The following PARPBP variants were observed in gnomAD, a reference collection of about 807,000 sequenced individuals.
PARPBP encodes PCNA-interacting partner.
A neutral mutation model predicts 50.0 loss-of-function variants in PARPBP; 52 were observed. That is an observed-to-expected ratio of 1.04 (90% CI 0.83 to 1.31). The LOEUF (loss-of-function observed/expected upper bound fraction) is 1.31, where lower values mean the gene tolerates loss of function less well. PARPBP is among the 50% of genes most tolerant of loss of function. The pLI is 0.00. For missense variants in PARPBP, 697 were observed against 672.0 expected, an observed-to-expected ratio of 1.04 and a Z score of -0.41; for synonymous variants, 244 against 232.1, an observed-to-expected ratio of 1.05 and a Z score of -0.47.
intron 2 of PARPBP, among the ~76,000 whole-genome samples, chr12:102,127,847 C>T (rs1882243814): frequency 6.6e-6 from 1 of 152,108 alleles, no homozygotes; most frequent in East Asian, 1.9e-4. Flanking sequence ...CTAATTCAGC[C>T]TTTTGACTGA....
chr12:102,156,843 T>C (rs1455772022), intron 4 of PARPBP, among the ~76,000 whole-genome samples: 1 of 152,128 alleles, frequency 6.6e-6, no homozygotes, highest in Non-Finnish European at 1.5e-5. Context: ...GGTTTTACTA[T>C]GATGGTCAGG....
intron 2 of PARPBP, among the ~76,000 whole-genome samples, chr12:102,146,616 A>T (rs1289090449): frequency 6.6e-6 from 1 of 152,228 alleles, no homozygotes; most frequent in Non-Finnish European, 1.5e-5. Context: ...TAAAAACCCT[A>T]GAAGAAAACC....
At chr12:102,184,634 C>G (rs992747619) in intron 9 of PARPBP, among the ~76,000 whole-genome samples, 5 of 152,154 alleles carry the variant, frequency 3.3e-5, no homozygotes, top group Admixed American at 3.3e-4. Context: ...GCTTCCATTA[C>G]TTAACAGTAG....
At chr12:102,124,582 C>T (rs1881671575) in intron 2 of PARPBP, among the ~76,000 whole-genome samples, 1 of 152,012 alleles carries the variant, frequency 6.6e-6, no homozygotes. Flanking sequence ...TAAGGAAAGG[C>T]TTTGTGATAT....
At chr12:102,135,536 CAAAAA>C (rs34890863) in intron 2 of PARPBP, among the ~76,000 whole-genome samples, 1 of 50,552 alleles carries the variant, frequency 2.0e-5, no homozygotes, top group African/African-American at 7.3e-5. Flanking sequence ...ACTCCGTCTC[CAAAAA>C]AAAAAAAAAA....
intron 2 of PARPBP, among the ~76,000 whole-genome samples, chr12:102,134,869 G>A (rs929945468): frequency 6.6e-6 from 1 of 152,048 alleles, no homozygotes; most frequent in South Asian, 2.1e-4. Context: ...ATAGAGACAG[G>A]GTTTCTCCAT....
chr12:102,158,408 C>T (rs75240889), intron 4 of PARPBP, among the ~76,000 whole-genome samples: 1 of 152,214 alleles, frequency 6.6e-6, no homozygotes, highest in African/African-American at 2.4e-5. Context: ...AAATGAGTTA[C>T]ACTCATTAAT....
intron 4 of PARPBP, chr12:102,155,387 T>C (rs1288306065): frequency 2.0e-5 from 3 of 152,064 alleles, no homozygotes; most frequent in Non-Finnish European, 2.9e-5. Flanking sequence ...CCTCAGGCCA[T>C]TGAGAGACAG....
Position 102,197,232 on chromosome 12 carries a change from A to G in PARPBP, c.*941A>G, listed in dbSNP as rs1056569805. Reference sequence around the variant, plus strand: ...GTATTCGGAGTGGAACTATAATACAATTGTATAATATTCTTGTTGATCAAT... The same window carrying G: ...GTATTCGGAGTGGAACTATAATACAGTTGTATAATATTCTTGTTGATCAAT... On this transcript the variant is annotated 3_prime_UTR_variant, in exon 11 of 11. Transcript: ENST00000327680. The G allele has an allele frequency of 7.2e-6, 9 of 1,253,908 alleles. No individual in the cohort carries two copies. Among genetic ancestry groups the G allele is most frequent in the Non-Finnish European group, 9.1e-6 (8 of 876,544 alleles). The allele number at this position is 1,253,908 out of a possible 1,614,324, so 77.7% of individuals were successfully genotyped here.
In PARPBP at chr12:102,147,378, A is replaced by G. The variant is rs546642241; in HGVS notation, c.154-852A>G. Among the ~76,000 whole-genome samples the G allele has an allele frequency of 2.6e-5, 4 of 152,222 alleles. No homozygotes were observed. In the South Asian group the frequency reaches 8.3e-4, roughly 32 times the overall value. On this transcript the variant is annotated intron_variant, in intron 2 of 10. Transcript: ENST00000327680. Reference sequence around the variant, plus strand: ...TGGCACATATACACCATGGAATACTATGCAGCCATGAAAAATGATGAGTTC... The same window carrying G: ...TGGCACATATACACCATGGAATACTGTGCAGCCATGAAAAATGATGAGTTC...
intron 2 of PARPBP, among the ~76,000 whole-genome samples, chr12:102,138,260 G>A (rs1001543557): frequency 6.6e-6 from 1 of 152,214 alleles, no homozygotes; most frequent in Non-Finnish European, 1.5e-5. Flanking sequence ...GGCCAGTGAT[G>A]ATGAGCATTT....
chr12:102,173,754 A>G (rs73384872), intron 6 of PARPBP, among the ~76,000 whole-genome samples: 178 of 151,752 alleles, frequency 1.2e-3, no homozygotes, highest in African/African-American at 3.9e-3. Context: ...TCCTGATCAC[A>G]GTGTTACTAG....
At chr12:102,170,326 A>G (rs1331533498) in intron 6 of PARPBP, among the ~76,000 whole-genome samples, 1 of 152,230 alleles carries the variant, frequency 6.6e-6, no homozygotes. Flanking sequence ...CAATTTCATC[A>G]CTGTACAAAC....
intron 9 of PARPBP, among the ~76,000 whole-genome samples, chr12:102,189,973 G>C (rs1382451270): frequency 1.3e-5 from 2 of 152,014 alleles, no homozygotes; most frequent in Non-Finnish European, 2.9e-5. Context: ...GTACCAACTG[G>C]TTTCTTTACC....
intron 2 of PARPBP, among the ~76,000 whole-genome samples, chr12:102,136,265 A>C (rs1242023364): frequency 6.6e-6 from 1 of 152,242 alleles, no homozygotes; most frequent in Admixed American, 6.5e-5. Flanking sequence ...TAGACTAGCT[A>C]AGGGTTAAAC....
At chr12:102,138,944 T>A (rs1028799356) in intron 2 of PARPBP, among the ~76,000 whole-genome samples, 1 of 152,182 alleles carries the variant, frequency 6.6e-6, no homozygotes, top group Non-Finnish European at 1.5e-5. Flanking sequence ...TTTGTTCTTC[T>A]TGCTTAGGAT....
At chr12:102,137,516 AT>A (rs56245119) in intron 2 of PARPBP, among the ~76,000 whole-genome samples, 57,509 of 148,996 alleles carry the variant, frequency 0.39, 11,416 homozygotes, top group African/African-American at 0.51. Flanking sequence ...ACTGCTAAAG[AT>A]TTTTTTTTTT....
chr12:102,176,906 A>G (rs1023062088), intron 7 of PARPBP, among the ~76,000 whole-genome samples: 6 of 152,218 alleles, frequency 3.9e-5, no homozygotes, highest in African/African-American at 1.4e-4. Context: ...GGCTCAAATG[A>G]CAACCAGGTT....
At chr12:102,151,563 C>G (rs1017094254) in intron 3 of PARPBP, 95 of 1,533,148 alleles carry the variant, frequency 6.2e-5, no homozygotes, top group Admixed American at 9.8e-5. Context: ...TCTGATCTAC[C>G]TGGCAGGGGT....
Sources: allele counts gnomAD v4.1 joint callset (sites outside exome capture counted in the v4.1 genomes callset), GRCh38; gene constraint gnomAD v4.1.1; transcripts MANE v1.5; gene names NCBI Gene and HGNC (gene_info 2026-07-23, HGNC 2026-07-21).